The following ZNF438 variants were observed in gnomAD, a reference collection of about 807,000 sequenced individuals.
The protein encoded by ZNF438 is zinc finger protein 438.
In ZNF438, 25 loss-of-function variants were observed where a neutral mutation model predicts 38.0. That is an observed-to-expected ratio of 0.66 (90% CI 0.48 to 0.92). ZNF438 has a LOEUF of 0.92. Ranked by LOEUF, ZNF438 falls within the 40% of genes least tolerant of loss-of-function variation. ZNF438 has a pLI of 0.00. For synonymous variants in ZNF438, 372 were observed against 364.1 expected, an observed-to-expected ratio of 1.02 and a Z score of -0.25; for missense variants, 1,007 against 999.6, an observed-to-expected ratio of 1.01 and a Z score of -0.10.
chr10:30,955,787 C>T (rs960305993), intron 1 of ZNF438, among the ~76,000 whole-genome samples: 31 of 152,178 alleles, frequency 2.0e-4, no homozygotes, highest in Admixed American at 1.8e-3. Flanking sequence ...TAGGTAGTAA[C>T]ATATTATTAC....
chr10:30,871,338 T>C (rs2037376382), intron 4 of ZNF438, among the ~76,000 whole-genome samples: 2 of 152,070 alleles, frequency 1.3e-5, no homozygotes, highest in South Asian at 2.1e-4. Context: ...AAAAAAAAGA[T>C]GACAATATTT....
intron 2 of ZNF438, among the ~76,000 whole-genome samples, chr10:30,915,837 T>G (rs971966450): frequency 1.3e-5 from 2 of 152,002 alleles, no homozygotes; most frequent in Non-Finnish European, 2.9e-5. Context: ...AAAGTGTGCT[T>G]TGAGAAGTCA....
chr10:30,864,171 C>T (rs183489007), intron 4 of ZNF438, among the ~76,000 whole-genome samples: 87 of 152,246 alleles, frequency 5.7e-4, no homozygotes, highest in Admixed American at 4.4e-3. Flanking sequence ...GATTATGCCA[C>T]ACAAATAAAT....
chr10:31,003,481 T>C (rs1256981322), intron 1 of ZNF438, among the ~76,000 whole-genome samples: 4 of 152,186 alleles, frequency 2.6e-5, no homozygotes, highest in Non-Finnish European at 5.9e-5. Context: ...ACCCAGGAAC[T>C]TGGCTACTGT....
chr10:31,014,006 T>C (rs1589725018), intron 1 of ZNF438, among the ~76,000 whole-genome samples: 1 of 152,184 alleles, frequency 6.6e-6, no homozygotes, highest in Non-Finnish European at 1.5e-5. Context: ...ACAGATGACT[T>C]CTTAAATGAA....
At chr10:30,881,373 G>A (rs2039231883) in intron 3 of ZNF438, among the ~76,000 whole-genome samples, 3 of 152,004 alleles carry the variant, frequency 2.0e-5, no homozygotes. Context: ...CAGAAATTGA[G>A]ACACCATTTA....
intron 4 of ZNF438, among the ~76,000 whole-genome samples, chr10:30,875,846 C>A (rs2133630881): frequency 6.6e-6 from 1 of 152,374 alleles, no homozygotes; most frequent in East Asian, 1.9e-4. Flanking sequence ...GAGGCGGCCT[C>A]ATGGCCATCT....
intron 4 of ZNF438, among the ~76,000 whole-genome samples, chr10:30,858,678 G>A (rs7090992): frequency 0.63 from 96,201 of 152,106 alleles, 31,297 homozygotes; most frequent in African/African-American, 0.78. Flanking sequence ...TCAGACCTAA[G>A]TTTCAGGAAA....
At position 30,878,512 on chromosome 10, in the gene ZNF438, G is replaced by C. The variant is rs538222644; in HGVS notation, c.-31-1447C>G. ...TGCCTCCACCATCCTTCAAGTGTCA[G>C]CATGACCTCGTTCTTCTTGGACACC... On this transcript the variant is annotated intron_variant, in intron 3 of 5. Transcript: ENST00000413025. 4.6e-5 allele frequency among the ~76,000 whole-genome samples: 7 copies of C among 152,196 alleles called. No homozygotes were observed. In the South Asian group the frequency reaches 1.5e-3, roughly 32 times the overall value.
At chr10:30,854,517 AT>A (rs2034274475) in intron 4 of ZNF438, among the ~76,000 whole-genome samples, 2 of 152,198 alleles carry the variant, frequency 1.3e-5, no homozygotes, top group Admixed American at 1.3e-4. Context: ...AGCCTTGGAA[AT>A]TTTGTAAACA....
chr10:30,849,672 T>C, exon 5 of ZNF438: 3 of 1,614,196 alleles, frequency 1.9e-6, no homozygotes, highest in Non-Finnish European at 2.5e-6. Flanking sequence ...GATGTTATCT[T>C]GCTTACAAAG....
Position 30,880,929 on chromosome 10 carries a change from T to A in ZNF438, c.-31-3864A>T, listed in dbSNP as rs146647964. ...AAATTGTATGTGATAAAATCCAACA[T>A]CCATTACTGATTAAAAAAAAACAAC... is the stretch of plus-strand genomic sequence containing the variant. On this transcript the variant is annotated intron_variant, in intron 3 of 5. Transcript: ENST00000413025. 8.7e-4 allele frequency among the ~76,000 whole-genome samples: 132 copies of A among 152,114 alleles called. 2 individuals carry two copies. The East Asian group carries it at 0.014, about 16-fold the overall frequency.
At chr10:30,985,564 C>G (rs536143951) in intron 1 of ZNF438, among the ~76,000 whole-genome samples, 1 of 152,310 alleles carries the variant, frequency 6.6e-6, no homozygotes, top group African/African-American at 2.4e-5. Context: ...TCATCTAATT[C>G]ATGAAACCAA....
At chr10:30,976,399 A>AG in intron 1 of ZNF438, among the ~76,000 whole-genome samples, 1 of 152,166 alleles carries the variant, frequency 6.6e-6, no homozygotes, top group East Asian at 1.9e-4. Flanking sequence ...AGAAATATAA[A>AG]CTAAGGTAGC....
At chr10:30,862,107 A>C (rs968830232) in intron 4 of ZNF438, among the ~76,000 whole-genome samples, 9 of 152,198 alleles carry the variant, frequency 5.9e-5, no homozygotes, top group Admixed American at 2.0e-4. Context: ...AGGTCATTTC[A>C]TTTGACCTTC....
At chr10:30,877,116 G>A in intron 3 of ZNF438, 51 bp from the exon 5 acceptor site, 1 of 1,033,600 alleles carries the variant, frequency 9.7e-7, no homozygotes, top group Non-Finnish European at 1.4e-6. Context: ...GAGAGAGCAT[G>A]TTAATGCATA....
chr10:30,985,222 C>T (rs2052637235), intron 1 of ZNF438, among the ~76,000 whole-genome samples: 1 of 152,156 alleles, frequency 6.6e-6, no homozygotes, highest in African/African-American at 2.4e-5. Flanking sequence ...GCTAACTCCT[C>T]CAGTCTTGAA....
intron 1 of ZNF438, among the ~76,000 whole-genome samples, chr10:30,976,591 G>A (rs1240286061): frequency 6.6e-6 from 1 of 152,010 alleles, no homozygotes; most frequent in African/African-American, 2.4e-5. Flanking sequence ...AAAATTAAAA[G>A]GAAAAATTAG....
rs556042296 is a variant in ZNF438 at position 30,959,743 on chromosome 10, G to C, written c.-191-18092C>G. Among the ~76,000 whole-genome samples, 3 of 146,452 alleles carry C rather than the reference G, an allele frequency of 2.0e-5. 1 individual carries two copies. Among genetic ancestry groups the C allele is most frequent in the South Asian group, 4.4e-4 (2 of 4,544 alleles). ...AGCCTGGGTGACAGAGCCAGACTCC[G>C]TCTCAATAAATAAATTTCTTCACAC... is the stretch of plus-strand genomic sequence containing the variant. On this transcript the variant is annotated intron_variant, in intron 1 of 5. Coordinates refer to ENST00000413025, the Ensembl canonical transcript of ZNF438.
Sources: gnomAD v4.1 joint callset for allele counts (sites outside exome capture counted in the v4.1 genomes callset) on GRCh38, gnomAD v4.1.1 for gene constraint, MANE v1.5 for transcripts, NCBI Gene and HGNC (gene_info 2026-07-23, HGNC 2026-07-21) for gene names.